Variants in COL24A1 observed in about 807,000 individuals in gnomAD.
The protein encoded by COL24A1 is collagen type XXIV alpha 1 chain.
A neutral mutation model predicts 253.9 loss-of-function variants in COL24A1; 224 were observed. The observed-to-expected ratio is 0.88, with a 90% confidence interval of 0.79 to 0.99. The LOEUF (loss-of-function observed/expected upper bound fraction) is 0.99, where lower values mean the gene tolerates loss of function less well. COL24A1 is among the 50% of genes least tolerant of loss of function. The pLI is 0.00. For synonymous variants in COL24A1, 685 were observed against 673.7 expected (o/e 1.02, Z -0.26); for missense variants, 2,131 against 2,068.5 (o/e 1.03, Z -0.59).
At chr1:85,737,570 T>TTC in intron 57 of COL24A1, 65 bp from the exon 58 acceptor site, 1 of 1,175,944 alleles carries the variant, frequency 8.5e-7, no homozygotes. Flanking sequence ...TAATTTCTTT[T>TTC]TTTTTTTTGA....
intron 37 of COL24A1, among the ~76,000 whole-genome samples, chr1:85,863,421 A>T (rs1679395207): frequency 6.6e-6 from 1 of 152,116 alleles, no homozygotes. Context: ...GCTAGACTTC[A>T]ATGTTAGATC....
chr1:85,971,890 C>A (rs1394458904), intron 20 of COL24A1, among the ~76,000 whole-genome samples: 1 of 151,872 alleles, frequency 6.6e-6, no homozygotes, highest in Non-Finnish European at 1.5e-5. Context: ...CTTTTTGATA[C>A]AAGATGATAA....
At chr1:85,870,317 G>T (rs978044421) in intron 35 of COL24A1, among the ~76,000 whole-genome samples, 1 of 152,104 alleles carries the variant, frequency 6.6e-6, no homozygotes, top group Non-Finnish European at 1.5e-5. Context: ...GGATATCCAG[G>T]AATTGAACTC....
In COL24A1 at chr1:85,889,537, GAAAAGTATAAAGAT is replaced by G. The variant is rs745930384; in HGVS notation, c.2976+9_2976+22del. The G allele has an allele frequency of 6.3e-7, 1 of 1,596,564 alleles. No homozygotes were observed. The highest frequency in any genetic ancestry group is 8.6e-7 in the Non-Finnish European group (1 of 1,164,934). ...GTATTTTATGAGAAAGACACAATTA[GAAAAGTATAAAGAT>G]AAACTTACTGGCTCTCCTGGAAGTC... is the stretch of plus-strand genomic sequence containing the variant. On this transcript the variant is annotated intron_variant, in intron 32 of 59. Coordinates refer to ENST00000370571, the MANE Select transcript of COL24A1 (RefSeq NM_152890.7).
intron 24 of COL24A1, among the ~76,000 whole-genome samples, chr1:85,954,616 A>G (rs574461214): frequency 6.6e-6 from 1 of 152,322 alleles, no homozygotes; most frequent in East Asian, 1.9e-4. Context: ...TCAGTTCTCA[A>G]TAAATGGTAG....
chr1:85,841,049 T>G (rs1464559114), intron 42 of COL24A1, among the ~76,000 whole-genome samples, 173 bp downstream of exon 42: 1 of 152,164 alleles, frequency 6.6e-6, no homozygotes, highest in African/African-American at 2.4e-5. Context: ...TTTTTCATAT[T>G]AAAGACTTTA....
chr1:86,048,654 C>A (rs1385241818), intron 11 of COL24A1, among the ~76,000 whole-genome samples: 1 of 152,072 alleles, frequency 6.6e-6, no homozygotes, highest in Non-Finnish European at 1.5e-5. Flanking sequence ...CCAGGCCCGG[C>A]TAATTTTTTG....
Position 85,889,579 on chromosome 1 carries a change from C to T in COL24A1, c.2957G>A (p.Arg986Lys), listed in dbSNP as rs1392633237. The part of the protein sequence containing the change: ...LQGLPGSTGD[R>K]GLPGEPGLRG... ...ACTTACTGGCTCTCCTGGAAGTCCTCTGTCACCTGTACTTCCAGGCAATCC... is the reference window on the plus strand; with the variant it reads ...ACTTACTGGCTCTCCTGGAAGTCCTTTGTCACCTGTACTTCCAGGCAATCC... The change falls in exon 32 of 60, where the codon AGA (arginine) becomes AAA (lysine). Residue 986 changes from arginine to lysine, a missense_variant. Transcript: ENST00000370571. The T allele has an allele frequency of 6.2e-6, 10 of 1,613,172 alleles. No individual in the cohort carries two copies.
intron 19 of COL24A1, among the ~76,000 whole-genome samples, chr1:85,992,680 TAAAAAC>T (rs913359960): frequency 3.0e-4 from 45 of 152,204 alleles, no homozygotes; most frequent in African/African-American, 1.0e-3. Context: ...GGAAGAAAAG[TAAAAAC>T]AAAAATCTGA....
chr1:85,990,051 G>C (rs868653829), intron 19 of COL24A1, among the ~76,000 whole-genome samples: 9 of 152,248 alleles, frequency 5.9e-5, no homozygotes, highest in Middle Eastern at 3.4e-3. Context: ...TACAATGCCT[G>C]ATACACAGTA....
intron 33 of COL24A1, among the ~76,000 whole-genome samples, chr1:85,875,607 C>T (rs1195289289): frequency 6.6e-6 from 1 of 151,946 alleles, no homozygotes; most frequent in Non-Finnish European, 1.5e-5. Flanking sequence ...TCTTCCTTTC[C>T]CTTTCTGTAG....
intron 12 of COL24A1, among the ~76,000 whole-genome samples, chr1:86,036,724 A>G (rs1237581196): frequency 6.6e-6 from 1 of 152,190 alleles, no homozygotes; most frequent in Non-Finnish European, 1.5e-5. Context: ...AATATGGAAC[A>G]GTAGTGACAA....
intron 43 of COL24A1, among the ~76,000 whole-genome samples, chr1:85,829,489 A>G (rs376199975): frequency 4.0e-5 from 6 of 148,682 alleles, no homozygotes; most frequent in Admixed American, 2.0e-4. Context: ...GATTGGGGAA[A>G]TTCTCCTGGA....
chr1:85,920,631 T>C (rs549822185), intron 24 of COL24A1, among the ~76,000 whole-genome samples: 2 of 151,492 alleles, frequency 1.3e-5, no homozygotes, highest in East Asian at 3.9e-4. Flanking sequence ...ATGGGAAAAA[T>C]AGAAAATAGG....
intron 1 of COL24A1, chr1:86,154,654 T>C (rs925945426): frequency 2.6e-5 from 4 of 152,680 alleles, no homozygotes; most frequent in Non-Finnish European, 4.4e-5. Flanking sequence ...GGAAGGGAAG[T>C]GTAAACCAGA....
chr1:86,073,724 G>T (rs575473249), intron 7 of COL24A1, among the ~76,000 whole-genome samples: 2 of 152,208 alleles, frequency 1.3e-5, no homozygotes, highest in East Asian at 3.9e-4. Context: ...CAGAGAGAAA[G>T]GTCAGGTTAC....
At chr1:86,086,910 G>C (rs1557563845) in intron 7 of COL24A1, among the ~76,000 whole-genome samples, 2 of 152,090 alleles carry the variant, frequency 1.3e-5, no homozygotes, top group South Asian at 2.1e-4. Context: ...CATTAATAGA[G>C]ACACTCTGAA....
intron 37 of COL24A1, among the ~76,000 whole-genome samples, chr1:85,864,796 C>G (rs1679596069): frequency 6.6e-6 from 1 of 152,122 alleles, no homozygotes; most frequent in South Asian, 2.1e-4. Flanking sequence ...CAAATTTTGT[C>G]CTAAACATAT....
chr1:86,029,016 C>G (rs1698302123), intron 14 of COL24A1, among the ~76,000 whole-genome samples: 1 of 152,080 alleles, frequency 6.6e-6, no homozygotes, highest in South Asian at 2.1e-4. Flanking sequence ...AGCTTTTTAG[C>G]TAATCAACTC....
Sources: gnomAD v4.1 joint callset for allele counts (sites outside exome capture counted in the v4.1 genomes callset) on GRCh38, gnomAD v4.1.1 for gene constraint, MANE v1.5 for transcripts, NCBI Gene and HGNC (gene_info 2026-07-23, HGNC 2026-07-21) for gene names.